KAT7: variants seen among roughly 807,000 people sequenced by gnomAD.
KAT7 encodes the protein histone acetyltransferase KAT7.
KAT7 carries 10 observed loss-of-function variants against 82.1 expected under a neutral mutation model. The ratio of observed to expected loss-of-function variants is 0.12; its 90% CI spans 0.08 to 0.21. The LOEUF (loss-of-function observed/expected upper bound fraction) is 0.21, where lower values mean the gene tolerates loss of function less well. KAT7 is among the 10% of genes least tolerant of loss of function. The probability of loss-of-function intolerance (pLI) is 1.00; values close to 1 mark genes in which losing one functional copy is unlikely to be tolerated. For synonymous variants in KAT7, 250 were observed against 262.5 expected, an observed-to-expected ratio of 0.95 and a Z score of 0.46; for missense variants, 378 against 760.9, an observed-to-expected ratio of 0.50 and a Z score of 5.92.
At chr17:49,825,972 G>GA in intron 12 of KAT7, 28 bp from the exon 13 acceptor site, 2 of 1,592,008 alleles carry the variant, frequency 1.3e-6, no homozygotes, top group South Asian at 1.1e-5. Context: ...AGTGTTGCTA[G>GA]AAAAAGTCTG....
intron 3 of KAT7, 104 bp from the exon 4 acceptor site, chr17:49,798,215 G>A: frequency 9.2e-7 from 1 of 1,081,212 alleles, no homozygotes; most frequent in South Asian, 1.6e-5. Flanking sequence ...AAAGTTACTG[G>A]TTAAATCATA....
chr17:49,802,980 T>C (rs1049563342), intron 4 of KAT7, among the ~76,000 whole-genome samples: 1 of 152,154 alleles, frequency 6.6e-6, no homozygotes, highest in African/African-American at 2.4e-5. Flanking sequence ...TCCTCCTGTG[T>C]TGGCCTCCCA....
Position 49,827,848 on chromosome 17 carries a change from A to G in KAT7, c.*346A>G, listed in dbSNP as rs2144003165. ...CCCATGAGGTTGTGTTGTGTCTTCT[A>G]AGCGTGGTACTAGTGCTTGCCACCT... On this transcript the variant is annotated 3_prime_UTR_variant, in exon 15 of 15. Coordinates refer to ENST00000259021, the MANE Select transcript of KAT7 (RefSeq NM_007067.5). The G allele has an allele frequency of 4.5e-6, 1 of 223,424 alleles. No homozygotes were observed. The highest frequency in any genetic ancestry group is 8.8e-6 in the Non-Finnish European group (1 of 113,602). The allele number at this position is 223,424 out of a possible 1,614,324, so 13.8% of individuals were successfully genotyped here.
In KAT7 at chr17:49,833,373, A is replaced by G. The variant is rs1310596168; in HGVS notation, c.*5871A>G. 2 of 152,232 alleles carry G rather than the reference A, an allele frequency of 1.3e-5. No homozygotes were observed. The highest frequency in any genetic ancestry group is 3.8e-4 in the East Asian group (2 of 5,198). The allele number at this position is 152,232 out of a possible 1,614,324, so 9.4% of individuals were successfully genotyped here. Reference sequence around the variant, plus strand: ...TCAATTCCAAAGTTATCAGAAACCTACACTCTTATCTCACAAATTTAGAGG... The same window carrying G: ...TCAATTCCAAAGTTATCAGAAACCTGCACTCTTATCTCACAAATTTAGAGG... On this transcript the variant is annotated 3_prime_UTR_variant, in exon 15 of 15. Transcript: ENST00000259021.
At chr17:49,800,473 T>C (rs2074011038) in intron 4 of KAT7, among the ~76,000 whole-genome samples, 1 of 152,192 alleles carries the variant, frequency 6.6e-6, no homozygotes, top group Admixed American at 6.5e-5. Flanking sequence ...AAAGACAATA[T>C]ATTACACTAG....
chr17:49,801,201 T>C (rs543344907), intron 4 of KAT7, among the ~76,000 whole-genome samples: 173 of 152,360 alleles, frequency 1.1e-3, no homozygotes, highest in African/African-American at 3.9e-3. Context: ...TTATTTATTT[T>C]GGAGACAGAG....
intron 1 of KAT7, among the ~76,000 whole-genome samples, chr17:49,791,484 C>G (rs1214420743): frequency 6.6e-6 from 1 of 152,094 alleles, no homozygotes; most frequent in Non-Finnish European, 1.5e-5. Context: ...ATAGTGAAAC[C>G]CCGTCTCTAC....
At position 49,788,823 on chromosome 17, in the gene KAT7, C is replaced by T; in HGVS notation, c.-12C>T. 1 of 1,583,668 alleles carries T rather than the reference C, an allele frequency of 6.3e-7. No homozygotes were observed. Among genetic ancestry groups the T allele is most frequent in the East Asian group, 2.4e-5 (1 of 42,388 alleles). ...TGCCCGAATCGGAACCGTCGGGCCG[C>T]AGCCGCCGGCAATGCCGCGAAGGAA... is the stretch of plus-strand genomic sequence containing the variant. On this transcript the variant is annotated 5_prime_UTR_variant, in exon 1 of 15. Coordinates refer to ENST00000259021, the MANE Select transcript of KAT7 (RefSeq NM_007067.5).
At chr17:49,793,402 T>TG (rs1414953399) in intron 2 of KAT7, among the ~76,000 whole-genome samples, 1 of 152,164 alleles carries the variant, frequency 6.6e-6, no homozygotes, top group Non-Finnish European at 1.5e-5. Context: ...TTTAGGCATC[T>TG]GGGGTTAGAT....
At chr17:49,792,650 G>A (rs968253695) in intron 2 of KAT7, among the ~76,000 whole-genome samples, 7 of 152,114 alleles carry the variant, frequency 4.6e-5, no homozygotes, top group Non-Finnish European at 7.3e-5. Context: ...GTACTCTTCA[G>A]TGTACTGTCT....
At chr17:49,827,171 A>G (rs752263286) in intron 14 of KAT7, 10 of 533,336 alleles carry the variant, frequency 1.9e-5, no homozygotes, top group Non-Finnish European at 3.0e-5. Context: ...TATTTCATAT[A>G]TACAATAAAG....
chr17:49,826,851 G>C (rs2074374541), intron 14 of KAT7, 52 bp downstream of exon 14: 2 of 1,216,708 alleles, frequency 1.6e-6, no homozygotes, highest in African/African-American at 1.5e-5. Flanking sequence ...TCAAGACTTA[G>C]CAGAGCAAAG....
chr17:49,803,725 A>C (rs2074055076), intron 4 of KAT7, among the ~76,000 whole-genome samples: 1 of 152,136 alleles, frequency 6.6e-6, no homozygotes, highest in African/African-American at 2.4e-5. Flanking sequence ...CGCCCGGCCT[A>C]AAATTGCATT....
intron 12 of KAT7, 81 bp from the exon 13 acceptor site, chr17:49,825,919 C>A (rs1228203165): frequency 5.6e-6 from 8 of 1,440,952 alleles, no homozygotes; most frequent in Non-Finnish European, 7.6e-6. Context: ...CTTAAACCTT[C>A]TTCCATGTTG....
rs1389289933 is a variant in KAT7, at chr17:49,788,868, G to A, written c.15+19G>A. ...AAGGAAGGTGAGAAACGGGAGAGGA[G>A]GGATGGCGGGTTTCTAAGGACAGTC... is the stretch of plus-strand genomic sequence containing the variant. On this transcript the variant is annotated intron_variant, in intron 1 of 14. Transcript: ENST00000259021. The A allele has an allele frequency of 1.3e-6, 2 of 1,580,980 alleles. No homozygotes were observed. The highest frequency in any genetic ancestry group is 2.3e-5 in the East Asian group (1 of 42,588).
At chr17:49,815,530 C>T (rs1428434396) in intron 7 of KAT7, 3 of 301,910 alleles carry the variant, frequency 9.9e-6, no homozygotes, top group Non-Finnish European at 1.8e-5. Flanking sequence ...GCGTTCTGAT[C>T]CACAAAGTGT....
intron 3 of KAT7, among the ~76,000 whole-genome samples, chr17:49,797,226 G>C (rs985737257): frequency 1.3e-5 from 2 of 152,082 alleles, no homozygotes; most frequent in African/African-American, 4.8e-5. Flanking sequence ...ACCACGCCAG[G>C]CTAATTTTTT....
chr17:49,802,806 G>C (rs1018890175), intron 4 of KAT7, among the ~76,000 whole-genome samples: 2 of 152,166 alleles, frequency 1.3e-5, no homozygotes, highest in African/African-American at 4.8e-5. Flanking sequence ...ACTCACTGCA[G>C]CCTTGACTTC....
In KAT7 at chr17:49,788,794, C is replaced by T. The variant is rs376069395; in HGVS notation, c.-41C>T. The T allele has an allele frequency of 9.2e-5, 145 of 1,570,590 alleles. No homozygotes were observed. In the African/African-American group the frequency reaches 1.7e-3, roughly 19 times the overall value. ...GGAGCCACCGTTCCTGCTGCTGCCGCCGCTGCCCGAATCGGAACCGTCGGG... is the reference window on the plus strand; with the variant it reads ...GGAGCCACCGTTCCTGCTGCTGCCGTCGCTGCCCGAATCGGAACCGTCGGG... On this transcript the variant is annotated 5_prime_UTR_variant, in exon 1 of 15. Transcript: ENST00000259021.
Sources: allele counts gnomAD v4.1 joint callset (sites outside exome capture counted in the v4.1 genomes callset), GRCh38; gene constraint gnomAD v4.1.1; transcripts MANE v1.5; gene names NCBI Gene and HGNC (gene_info 2026-07-23, HGNC 2026-07-21).